Variants in PTPRT observed in about 807,000 individuals in gnomAD.
The protein encoded by PTPRT is protein tyrosine phosphatase receptor type T, also known as receptor-type tyrosine-protein phosphatase T.
PTPRT carries 56 observed loss-of-function variants against 176.8 expected under a neutral mutation model. The observed-to-expected ratio is 0.32, with a 90% CI of 0.26 to 0.40. The LOEUF is 0.40. Ranked by LOEUF, PTPRT falls within the 10% of genes least tolerant of loss-of-function variation. The probability of loss-of-function intolerance (pLI) is 1.00; values close to 1 mark genes in which losing one functional copy is unlikely to be tolerated. For missense variants in PTPRT, 1,540 were observed against 1,908.2 expected, an observed-to-expected ratio of 0.81 and a Z score of 3.60; for synonymous variants, 783 against 739.0, an observed-to-expected ratio of 1.06 and a Z score of -0.96.
At chr20:42,728,691 G>A (rs763756523) in intron 6 of PTPRT, among the ~76,000 whole-genome samples, 8 of 152,144 alleles carry the variant, frequency 5.3e-5, no homozygotes, top group African/African-American at 1.4e-4. Context: ...AAAGTCACAC[G>A]GAACTGAGCG....
At chr20:42,869,418 G>A (rs571046455) in intron 2 of PTPRT, among the ~76,000 whole-genome samples, 24 of 152,306 alleles carry the variant, frequency 1.6e-4, no homozygotes, top group East Asian at 1.5e-3. Context: ...AAGGCAGGAC[G>A]TAGAGTCAAA....
At chr20:42,177,341 T>C (rs1990335490) in intron 16 of PTPRT, among the ~76,000 whole-genome samples, 1 of 152,210 alleles carries the variant, frequency 6.6e-6, no homozygotes. Flanking sequence ...GAATTTCTCT[T>C]AAAAAAGCAA....
intron 1 of PTPRT, among the ~76,000 whole-genome samples, chr20:43,119,853 C>A (rs2013192161): frequency 6.6e-6 from 1 of 152,170 alleles, no homozygotes; most frequent in Non-Finnish European, 1.5e-5. Flanking sequence ...ATATAAATAG[C>A]AATGTCAGGA....
At chr20:42,974,346 G>A (rs1032138262) in intron 1 of PTPRT, among the ~76,000 whole-genome samples, 1 of 152,072 alleles carries the variant, frequency 6.6e-6, no homozygotes. Context: ...AAGCCCCAGA[G>A]TACATCTTTG....
At chr20:42,054,824 CCTT>C in the PTPRT span, among the ~76,000 whole-genome samples, 1 of 152,298 alleles carries the variant, frequency 6.6e-6, no homozygotes, top group African/African-American at 2.4e-5. Flanking sequence ...GCCATAACAT[CCTT>C]CTTGTGGACT....
At chr20:42,759,139 C>A (rs2076879737) in intron 5 of PTPRT, among the ~76,000 whole-genome samples, 1 of 152,202 alleles carries the variant, frequency 6.6e-6, no homozygotes, top group Non-Finnish European at 1.5e-5. Context: ...CCATCTTCCC[C>A]ACTGCTGAGC....
At chr20:42,160,227 A>G (rs1989530229) in intron 17 of PTPRT, among the ~76,000 whole-genome samples, 1 of 152,162 alleles carries the variant, frequency 6.6e-6, no homozygotes, top group South Asian at 2.1e-4. Context: ...ATTTTAGGAA[A>G]GAAGGAGGGA....
intron 7 of PTPRT, among the ~76,000 whole-genome samples, chr20:42,517,924 A>G (rs6102886): frequency 0.011 from 1,676 of 152,124 alleles, 26 homozygotes; most frequent in African/African-American, 0.039. Flanking sequence ...TGGAATGAAT[A>G]TGTGGTTTCT....
chr20:42,154,228 A>T (rs772834127), intron 17 of PTPRT, among the ~76,000 whole-genome samples: 19 of 152,110 alleles, frequency 1.2e-4, no homozygotes, highest in Non-Finnish European at 2.5e-4. Context: ...CTGTGGTGGG[A>T]TATTCTGTCA....
At chr20:42,666,934 G>T (rs927245257) in intron 7 of PTPRT, among the ~76,000 whole-genome samples, 7 of 152,040 alleles carry the variant, frequency 4.6e-5, no homozygotes, top group African/African-American at 1.2e-4. Context: ...ATTCTCTTAG[G>T]CATTGAGGCT....
At position 42,128,869 on chromosome 20, in the gene PTPRT, A is replaced by G. The variant is rs1325897773; in HGVS notation, c.2771-39T>C. The G allele has an allele frequency of 2.6e-6, 4 of 1,546,304 alleles. No individual in the cohort carries two copies. The South Asian group carries it at 4.8e-5, about 18-fold the overall frequency. ...AGAAATCAAGGGGATGGTTGATAAG[A>G]GGCCTTACGCAGCTAATGTCCTCCT... On this transcript the variant is annotated intron_variant, in intron 18 of 30. Transcript: ENST00000373187.
intron 7 of PTPRT, among the ~76,000 whole-genome samples, chr20:42,595,133 C>T (rs533978363): frequency 6.6e-6 from 1 of 151,946 alleles, no homozygotes; most frequent in Admixed American, 6.6e-5. Context: ...CAGATGAGAC[C>T]CCAGGGAAAG....
At chr20:43,169,563 A>C (rs1649149428) in intron 1 of PTPRT, among the ~76,000 whole-genome samples, 1 of 152,204 alleles carries the variant, frequency 6.6e-6, no homozygotes, top group Non-Finnish European at 1.5e-5. Flanking sequence ...TTTCAATTCG[A>C]ATTTCTCAAG....
In PTPRT at chr20:42,119,741, A is replaced by G. The variant is rs150481864; in HGVS notation, c.2884+194T>C. ...AATGAACAATCTCAAGGACCTCTGGAGAGTCTTCAGCCTACCCCTCCGTGG... is the reference window on the plus strand; with the variant it reads ...AATGAACAATCTCAAGGACCTCTGGGGAGTCTTCAGCCTACCCCTCCGTGG... On this transcript the variant is annotated intron_variant, in intron 20 of 30. Transcript: ENST00000373187. Among the ~76,000 whole-genome samples the G allele has an allele frequency of 6.3e-3, 952 of 152,306 alleles. 2 individuals are homozygous for G. Among genetic ancestry groups the G allele is most frequent in the Non-Finnish European group, 0.01 (700 of 68,030 alleles).
chr20:42,997,709 TAAG>T (rs1174190600), intron 1 of PTPRT, among the ~76,000 whole-genome samples: 1 of 152,154 alleles, frequency 6.6e-6, no homozygotes, highest in Non-Finnish European at 1.5e-5. Context: ...GACAATAAAA[TAAG>T]GACTTAGCTT....
intron 1 of PTPRT, among the ~76,000 whole-genome samples, chr20:43,130,694 A>T (rs2013617416): frequency 6.6e-6 from 1 of 152,136 alleles, no homozygotes; most frequent in Non-Finnish European, 1.5e-5. Context: ...AAATTTCAAA[A>T]ATCTGTTCGT....
At chr20:43,111,401 G>A (rs66974118) in intron 1 of PTPRT, among the ~76,000 whole-genome samples, 13,734 of 151,922 alleles carry the variant, frequency 0.09, 915 homozygotes, top group East Asian at 0.24. Flanking sequence ...AAAATTAGCC[G>A]GGCGTGGTGG....
chr20:43,161,972 T>C (rs2014712201), intron 1 of PTPRT, among the ~76,000 whole-genome samples: 1 of 152,194 alleles, frequency 6.6e-6, no homozygotes, highest in South Asian at 2.1e-4. Flanking sequence ...TGCACAGATG[T>C]TCCTTATTTA....
At chr20:42,611,913 G>A (rs984548169) in intron 7 of PTPRT, among the ~76,000 whole-genome samples, 1 of 152,130 alleles carries the variant, frequency 6.6e-6, no homozygotes, top group Non-Finnish European at 1.5e-5. Context: ...TCCATCAATG[G>A]CTTCAGGGAT....
Sources: allele counts gnomAD v4.1 joint callset (sites outside exome capture counted in the v4.1 genomes callset), GRCh38; gene constraint gnomAD v4.1.1; transcripts MANE v1.5; gene names NCBI Gene and HGNC (gene_info 2026-07-23, HGNC 2026-07-21).